SLFN12L: variants seen among roughly 807,000 people sequenced by gnomAD.
SLFN12L encodes schlafen family member 12 like.
In SLFN12L, 34 loss-of-function variants were observed where a neutral mutation model predicts 34.8. The ratio of observed to expected loss-of-function variants is 0.98; its 90% CI spans 0.74 to 1.30. The LOEUF (loss-of-function observed/expected upper bound fraction) is 1.30. Ranked by LOEUF, SLFN12L falls within the 50% of genes most tolerant of loss-of-function variation. SLFN12L has a pLI of 0.00. For synonymous variants in SLFN12L, 259 were observed against 247.5 expected (o/e 1.05, Z -0.44); for missense variants, 703 against 696.2 (o/e 1.01, Z -0.11).
chr17:35,522,446 G>A lies in SLFN12L; in HGVS notation c.-82C>T. The A allele has an allele frequency of 1.2e-6, 2 of 1,614,098 alleles. No homozygotes were observed. Among genetic ancestry groups the A allele is most frequent in the East Asian group, 2.2e-5 (1 of 44,878 alleles). On this transcript the variant is annotated 5_prime_UTR_variant, in exon 2 of 5. Transcript: ENST00000628453. ...CTCTGTTCTTGTGGAAGCTTCTGGA[G>A]AATATCTCATACTGCTGGGCTGTGA...
In SLFN12L at chr17:35,469,314, TATTA is replaced by T. The variant is rs1217304348; in HGVS notation, c.*5605_*5608del. On this transcript the variant is annotated 3_prime_UTR_variant, in exon 5 of 5. Transcript: ENST00000628453. ...AATATATATATATAAAATATATATA[TATTA>T]TATATATAAATATATATATAATATA... 2.2e-5 allele frequency among the ~76,000 whole-genome samples: 3 copies of T among 133,512 alleles called. No individual in the cohort carries two copies. The highest frequency in any genetic ancestry group is 8.5e-5 in the African/African-American group (3 of 35,380). 87.6% of individuals were successfully genotyped at this position (133,512 alleles called of 152,430 possible).
Position 35,522,457 on chromosome 17 carries a change from AC to A in SLFN12L, c.-94del. On this transcript the variant is annotated 5_prime_UTR_variant, in exon 2 of 5. Transcript: ENST00000628453. Reference sequence around the variant, plus strand: ...TGGAAGCTTCTGGAGAATATCTCATACTGCTGGGCTGTGAGCAGATTTAAAA... The same window carrying A: ...TGGAAGCTTCTGGAGAATATCTCATATGCTGGGCTGTGAGCAGATTTAAAA... 6.2e-7 allele frequency: 1 copy of A among 1,613,980 alleles called. No homozygotes were observed. Among genetic ancestry groups the A allele is most frequent in the Admixed American group, 1.7e-5 (1 of 60,014 alleles).
chr17:35,511,494 G>A (rs751726118), intron 2 of SLFN12L, among the ~76,000 whole-genome samples: 55 of 152,132 alleles, frequency 3.6e-4, no homozygotes, highest in Non-Finnish European at 6.6e-4. Flanking sequence ...GCATCACTTT[G>A]GGAGGCTGAC....
chr17:35,525,721 G>A (rs552932345), intron 1 of SLFN12L, among the ~76,000 whole-genome samples: 1 of 152,248 alleles, frequency 6.6e-6, no homozygotes, highest in African/African-American at 2.4e-5. Flanking sequence ...CACTAAACAT[G>A]GAAAGGAACA....
At chr17:35,530,362 AAAGGAAGGAAGGAAGGAAGG>A (rs1216705890) in intron 1 of SLFN12L, among the ~76,000 whole-genome samples, 3 of 84,924 alleles carry the variant, frequency 3.5e-5, no homozygotes, top group Middle Eastern at 4.3e-3. Flanking sequence ...AAAGAGAAAG[AAAGGAAGGAAGGAAGGAAGG>A]AAGGAAGGAA....
intron 1 of SLFN12L, among the ~76,000 whole-genome samples, chr17:35,533,293 T>C (rs988341888): frequency 3.3e-5 from 5 of 152,254 alleles, no homozygotes; most frequent in African/African-American, 1.2e-4. Flanking sequence ...TCTCAATTCA[T>C]ACTTAACCAT....
intron 2 of SLFN12L, among the ~76,000 whole-genome samples, chr17:35,510,870 T>C (rs1915618154): frequency 6.6e-6 from 1 of 151,928 alleles, no homozygotes; most frequent in South Asian, 2.1e-4. Context: ...TCCTAAATTA[T>C]TTAATTACTA....
At chr17:35,503,643 T>C (rs767606487) in intron 2 of SLFN12L, among the ~76,000 whole-genome samples, 3 of 152,204 alleles carry the variant, frequency 2.0e-5, no homozygotes, top group Admixed American at 1.3e-4. Context: ...CCACTGCCGA[T>C]GTCCCCACAT....
chr17:35,498,171 G>A (rs1915157636), intron 2 of SLFN12L: 1 of 314,536 alleles, frequency 3.2e-6, no homozygotes, highest in African/African-American at 2.6e-5. Context: ...TCTCGATCCG[G>A]GAGGCGGCGG....
chr17:35,479,169 A>T lies in SLFN12L; in HGVS notation c.1113T>A (p.Val371=), dbSNP rs1914169983. 8 of 1,576,394 alleles carry T rather than the reference A, an allele frequency of 5.1e-6. No individual in the cohort carries two copies. The highest frequency in any genetic ancestry group is 6.9e-6 in the Non-Finnish European group (8 of 1,159,412). ...TCCATTCCTTCTCGGTCAACTGCTT[A>T]ACTCTGTTATCTTTCACGTGCCAGG... ...PDSWHVKDNR[V]KQLTEKEWIQ... is the part of the protein sequence containing the mutation. Residue 371 remains valine, a synonymous_variant, in exon 3 of 5, where the codon GTT becomes GTA. Transcript: ENST00000628453.
At chr17:35,515,236 C>A (rs988820316) in intron 2 of SLFN12L, 3 of 494,616 alleles carry the variant, frequency 6.1e-6, no homozygotes, top group Non-Finnish European at 1.2e-5. Context: ...GGGAAAGGAG[C>A]GGTTGCCCAC....
In SLFN12L at chr17:35,508,364, C is replaced by T. The variant is rs546226111; in HGVS notation, c.86+13915G>A. 1.3e-4 allele frequency among the ~76,000 whole-genome samples: 20 copies of T among 152,266 alleles called. 1 individual carries two copies. Among genetic ancestry groups the T allele is most frequent in the Admixed American group, 5.9e-4 (9 of 15,292 alleles). On this transcript the variant is annotated intron_variant, in intron 2 of 4. Transcript: ENST00000628453. The stretch of plus-strand genomic sequence containing the variant: ...GTTTTGTCTGCAGCTCATCCTGCTA[C>T]AAGACGGTGTCTCACTCTGTTGCCC...
At chr17:35,487,768 AC>A (rs777337135) in intron 2 of SLFN12L, 212 of 1,535,778 alleles carry the variant, frequency 1.4e-4, no homozygotes, top group Non-Finnish European at 1.8e-4. Context: ...AAGTAGGGGG[AC>A]CTGAGTTCTT....
chr17:35,494,264 T>A (rs1319488534), intron 2 of SLFN12L, among the ~76,000 whole-genome samples: 1 of 152,084 alleles, frequency 6.6e-6, no homozygotes, highest in Non-Finnish European at 1.5e-5. Flanking sequence ...TATGATGGAT[T>A]TTGTAAACAG....
intron 2 of SLFN12L, among the ~76,000 whole-genome samples, chr17:35,511,865 G>A (rs1915656673): frequency 1.3e-5 from 2 of 152,180 alleles, no homozygotes; most frequent in South Asian, 4.1e-4. Flanking sequence ...AACAAACAAT[G>A]TATCCTTGCC....
In SLFN12L at chr17:35,494,553, A is replaced by G. The variant is rs138612393; in HGVS notation, c.87-14358T>C. On this transcript the variant is annotated intron_variant, in intron 2 of 4. Transcript: ENST00000628453. The stretch of plus-strand genomic sequence containing the variant: ...TTGTGCTGGAGGCCTTGGGCACTGC[A>G]CTAAGGCACACAGAGCTGAAGAACC... Among the ~76,000 whole-genome samples, 37 of 152,368 alleles carry G rather than the reference A, an allele frequency of 2.4e-4. No homozygotes were observed. In the East Asian group the frequency reaches 7.1e-3, roughly 29 times the overall value.
intron 2 of SLFN12L, chr17:35,490,358 G>A (rs1914786703): frequency 3.0e-6 from 4 of 1,339,654 alleles, no homozygotes; most frequent in Non-Finnish European, 4.3e-6. Flanking sequence ...AACACGGTAC[G>A]ATAGTCTCTT....
intron 2 of SLFN12L, chr17:35,515,014 C>A (rs1915767224): frequency 3.9e-6 from 2 of 516,262 alleles, no homozygotes; most frequent in Admixed American, 2.4e-5. Context: ...TCTTTAAGGT[C>A]AGCTAACTTG....
chr17:35,482,013 C>T (rs1914360401), intron 2 of SLFN12L, among the ~76,000 whole-genome samples: 1 of 152,100 alleles, frequency 6.6e-6, no homozygotes, highest in African/African-American at 2.4e-5. Context: ...GCACCTGCCA[C>T]CATGCCTGCC....
Sources: allele counts gnomAD v4.1 joint callset (sites outside exome capture counted in the v4.1 genomes callset), GRCh38; gene constraint gnomAD v4.1.1; transcripts MANE v1.5; gene names NCBI Gene and HGNC (gene_info 2026-07-23, HGNC 2026-07-21).